The following RFX4 variants were observed in gnomAD, a reference collection of about 807,000 sequenced individuals.
RFX4 encodes the protein regulatory factor X4.
RFX4 carries 10 observed loss-of-function variants against 95.0 expected under a neutral mutation model. That is an observed-to-expected ratio of 0.11 (90% confidence interval 0.06 to 0.18). The LOEUF (loss-of-function observed/expected upper bound fraction) is 0.18, where lower values mean the gene tolerates loss of function less well. Among genes scored for constraint, RFX4 ranks in the 10% least tolerant of loss-of-function variants. The pLI, the probability that RFX4 is intolerant of heterozygous loss-of-function variation, is 1.00. For synonymous variants in RFX4, 321 were observed against 340.7 expected (o/e 0.94, Z 0.64); for missense variants, 640 against 922.0 (o/e 0.69, Z 3.96).
intron 4 of RFX4, among the ~76,000 whole-genome samples, chr12:106,669,404 G>T (rs1194576237): frequency 2.0e-5 from 3 of 152,186 alleles, no homozygotes; most frequent in Admixed American, 2.0e-4. Flanking sequence ...TGGGTTGTGG[G>T]TGGCTCATCC....
At chr12:106,676,866 G>GGTTACT (rs1465130572) in intron 4 of RFX4, among the ~76,000 whole-genome samples, 2 of 152,122 alleles carry the variant, frequency 1.3e-5, no homozygotes, top group Non-Finnish European at 2.9e-5. Context: ...AAGAAATAAA[G>GGTTACT]GTTACTGTTA....
At chr12:106,652,802 G>A (rs954128285) in intron 3 of RFX4, among the ~76,000 whole-genome samples, 1 of 152,186 alleles carries the variant, frequency 6.6e-6, no homozygotes, top group Non-Finnish European at 1.5e-5. Flanking sequence ...GGCACCTTGG[G>A]GGGCCGTGTC....
intron 3 of RFX4, among the ~76,000 whole-genome samples, chr12:106,648,500 T>C (rs1348616468): frequency 6.6e-6 from 1 of 151,518 alleles, no homozygotes; most frequent in Admixed American, 6.6e-5. Flanking sequence ...TTTTTTTTTT[T>C]CTACATAGTT....
At chr12:106,716,552 C>A (rs1405743178) in intron 11 of RFX4, among the ~76,000 whole-genome samples, 1 of 152,128 alleles carries the variant, frequency 6.6e-6, no homozygotes, top group Non-Finnish European at 1.5e-5. Context: ...TCCCATTAAG[C>A]CCTTTTCAAA....
chr12:106,708,676 T>C (rs950538974), intron 8 of RFX4, among the ~76,000 whole-genome samples: 1 of 152,166 alleles, frequency 6.6e-6, no homozygotes, highest in African/African-American at 2.4e-5. Flanking sequence ...TGTGAGCAGA[T>C]GGCTTTGATA....
intron 10 of RFX4, among the ~76,000 whole-genome samples, chr12:106,712,272 A>G (rs918721586): frequency 1.3e-5 from 2 of 152,226 alleles, no homozygotes; most frequent in Admixed American, 6.5e-5. Context: ...GATGACAGCT[A>G]AACACCCACA....
intron 4 of RFX4, chr12:106,680,755 C>A (rs1253080473): frequency 1.3e-5 from 2 of 152,240 alleles, no homozygotes; most frequent in Non-Finnish European, 2.9e-5. Flanking sequence ...TCAGGACAAT[C>A]AGTGGTAATA....
At chr12:106,674,462 C>T (rs1325492267) in intron 4 of RFX4, among the ~76,000 whole-genome samples, 7 of 152,008 alleles carry the variant, frequency 4.6e-5, no homozygotes, top group African/African-American at 1.4e-4. Context: ...TCCTAAGTAG[C>T]TGGGATTACA....
intron 15 of RFX4, among the ~76,000 whole-genome samples, chr12:106,742,575 CCAACCACATTGTCAT>C (rs2042825799): frequency 6.6e-6 from 1 of 152,160 alleles, no homozygotes; most frequent in Admixed American, 6.5e-5. Context: ...GGTTCACAGA[CCAACCACATTGTCAT>C]CATTTAGAAG....
At position 106,720,173 on chromosome 12, in the gene RFX4, C is replaced by A. The variant is rs1251874609; in HGVS notation, c.1233+119C>A. 4.9e-6 allele frequency: 4 copies of A among 817,938 alleles called. No individual in the cohort carries two copies. Among genetic ancestry groups the A allele is most frequent in the South Asian group, 3.2e-5 (2 of 62,380 alleles). 50.7% of individuals were successfully genotyped at this position (817,938 alleles called of 1,614,324 possible). A position where few individuals can be genotyped will look rare whatever the true frequency, so the allele number is the denominator to read the frequency against. On this transcript the variant is annotated intron_variant, in intron 12 of 17. Coordinates refer to ENST00000392842, the MANE Select transcript of RFX4 (RefSeq NM_213594.3). This position sits in a 1 kb window ranked among gnomAD's most constrained non-coding sequence, Gnocchi z 4.2. ...ATCTGAACAGGGTTTTGAGGAGAGG[C>A]CCCAGGAGGTGGAGGGGTCAGGAGG... is the stretch of plus-strand genomic sequence containing the variant.
At chr12:106,649,324 C>T (rs1474329535) in intron 3 of RFX4, among the ~76,000 whole-genome samples, 1 of 152,186 alleles carries the variant, frequency 6.6e-6, no homozygotes, top group Non-Finnish European at 1.5e-5. Flanking sequence ...GATGCTATTC[C>T]TGTAGAAACT....
chr12:106,740,788 G>T (rs10861658), intron 15 of RFX4, among the ~76,000 whole-genome samples: 31,206 of 149,738 alleles, frequency 0.21, 3,516 homozygotes, highest in South Asian at 0.28. Flanking sequence ...AGTATAAAGT[G>T]GGGACGCATC....
At chr12:106,630,129 C>T (rs1280336586) in intron 2 of RFX4, among the ~76,000 whole-genome samples, 1 of 151,826 alleles carries the variant, frequency 6.6e-6, no homozygotes. Flanking sequence ...GGTCTTTTTC[C>T]TGCTATTTTT....
intron 1 of RFX4, among the ~76,000 whole-genome samples, chr12:106,585,291 A>G (rs1353602616): frequency 1.3e-5 from 2 of 152,192 alleles, no homozygotes; most frequent in East Asian, 3.9e-4. Flanking sequence ...TCTCGATGCA[A>G]CTGGTGCTCG....
At chr12:106,672,302 G>C (rs946468371) in intron 4 of RFX4, among the ~76,000 whole-genome samples, 5 of 152,116 alleles carry the variant, frequency 3.3e-5, no homozygotes, top group African/African-American at 9.7e-5. Flanking sequence ...GCTCCAGAGA[G>C]AGTAGTTCTC....
intron 1 of RFX4, among the ~76,000 whole-genome samples, chr12:106,592,207 A>T (rs1430155460): frequency 4.5e-5 from 1 of 22,078 alleles, no homozygotes; most frequent in African/African-American, 1.2e-4. Flanking sequence ...AAGAATACTG[A>T]AAAAAAAAAT....
At chr12:106,644,954 C>T (rs956045503) in intron 3 of RFX4, among the ~76,000 whole-genome samples, 1 of 151,798 alleles carries the variant, frequency 6.6e-6, no homozygotes, top group African/African-American at 2.4e-5. Context: ...GTGTCGAGCT[C>T]TCCTGGGACA....
At chr12:106,729,292 T>G (rs557760130) in intron 13 of RFX4, among the ~76,000 whole-genome samples, 1 of 152,328 alleles carries the variant, frequency 6.6e-6, no homozygotes, top group East Asian at 1.9e-4. Context: ...GGAGACCCTT[T>G]CCTTATTTGA....
chr12:106,755,304 CA>C (rs1458726332), intron 17 of RFX4, among the ~76,000 whole-genome samples: 1 of 152,170 alleles, frequency 6.6e-6, no homozygotes, highest in Admixed American at 6.5e-5. Context: ...CCATGTTGAC[CA>C]GACATGTCTC....
Sources: gnomAD v4.1 joint callset for allele counts (sites outside exome capture counted in the v4.1 genomes callset) on GRCh38, gnomAD v4.1.1 for gene constraint, Gnocchi (gnomAD v3.1) non-coding constraint, MANE v1.5 for transcripts, NCBI Gene and HGNC (gene_info 2026-07-23, HGNC 2026-07-21) for gene names.